SOD2: variants seen among roughly 807,000 people sequenced by gnomAD.
SOD2 encodes the protein superoxide dismutase [Mn], mitochondrial.
SOD2 carries 11 observed loss-of-function variants against 27.0 expected under a neutral mutation model. That is an observed-to-expected ratio of 0.41 (90% CI 0.26 to 0.67). The LOEUF is 0.67. Among genes scored for constraint, SOD2 ranks in the 30% least tolerant of loss-of-function variants. The probability of loss-of-function intolerance (pLI) is 0.34; values close to 1 mark genes in which losing one functional copy is unlikely to be tolerated. For missense variants in SOD2, 250 were observed against 274.5 expected (o/e 0.91, Z 0.63); for synonymous variants, 105 against 103.0 (o/e 1.02, Z -0.12).
intron 1 of SOD2, among the ~76,000 whole-genome samples, chr6:159,742,810 C>A (rs1241904330): frequency 6.6e-6 from 1 of 151,908 alleles, no homozygotes; most frequent in African/African-American, 2.4e-5. Flanking sequence ...AATCCCAGCA[C>A]TTTGGGAGGC....
chr6:159,705,128 C>T (rs543038247), intron 1 of SOD2, among the ~76,000 whole-genome samples: 89 of 152,182 alleles, frequency 5.8e-4, no homozygotes, highest in Non-Finnish European at 1.1e-3. Context: ...TGTACGTCAC[C>T]GTCATCAAAG....
chr6:159,743,041 A>G (rs1272260109), intron 1 of SOD2, among the ~76,000 whole-genome samples: 1 of 151,896 alleles, frequency 6.6e-6, no homozygotes, highest in Non-Finnish European at 1.5e-5. Context: ...AGTTATTACT[A>G]TTTTATTTAT....
chr6:159,702,654 C>CAAAA (rs750073120), intron 1 of SOD2, among the ~76,000 whole-genome samples: 718 of 36,160 alleles, frequency 0.02, no homozygotes, highest in Non-Finnish European at 0.03. Context: ...TCTATCTCTC[C>CAAAA]AAAAAAAAAA....
chr6:159,734,375 CAA>C (rs67668924), intron 1 of SOD2, among the ~76,000 whole-genome samples: 2,455 of 130,742 alleles, frequency 0.019, 60 homozygotes, highest in African/African-American at 0.065. Flanking sequence ...GACTCCATCT[CAA>C]AAAAAAAAAA....
At chr6:159,693,606 G>C (rs970241763), upstream of SOD2, among the ~76,000 whole-genome samples, 2 of 152,202 alleles carry the variant, frequency 1.3e-5, no homozygotes, top group African/African-American at 4.8e-5. Flanking sequence ...CGGGGATCTG[G>C]CTGCACTAGG....
chr6:159,706,073 A>G (rs544328044), intron 1 of SOD2, among the ~76,000 whole-genome samples: 2 of 152,052 alleles, frequency 1.3e-5, no homozygotes, highest in Non-Finnish European at 2.9e-5. Context: ...ATGCTGAGAG[A>G]TTTTGTCACC....
Position 159,680,676 on chromosome 6 carries a change from C to T in SOD2, c.*1817G>A, listed in dbSNP as rs1207672964. The T allele has an allele frequency of 6.6e-6, 1 of 152,064 alleles. No individual in the cohort carries two copies. Among genetic ancestry groups the T allele is most frequent in the Non-Finnish European group, 1.5e-5 (1 of 68,032 alleles). The allele number at this position is 152,064 out of a possible 1,614,324, so 9.4% of individuals were successfully genotyped here. On this transcript the variant is annotated 3_prime_UTR_variant, in exon 5 of 5. Coordinates refer to ENST00000538183, the MANE Select transcript of SOD2 (RefSeq NM_000636.4). ...ATAGGCCAGGTGCAGTGGCTCACAC[C>T]TGTAATCCCAGCACTTTGGGAGGCT...
At chr6:159,733,117 T>C (rs1213284394) in intron 1 of SOD2, among the ~76,000 whole-genome samples, 1 of 152,074 alleles carries the variant, frequency 6.6e-6, no homozygotes, top group Non-Finnish European at 1.5e-5. Context: ...AAAGCAGCTT[T>C]CTGTAATGGC....
At chr6:159,684,018 A>AT (rs1276537092) in intron 4 of SOD2, among the ~76,000 whole-genome samples, 6 of 152,146 alleles carry the variant, frequency 3.9e-5, no homozygotes, top group African/African-American at 1.4e-4. Flanking sequence ...CTTCAGTGAC[A>AT]TTTTTTAAAT....
chr6:159,757,830 T>A (rs998239549), intron 1 of SOD2, among the ~76,000 whole-genome samples: 1 of 152,260 alleles, frequency 6.6e-6, no homozygotes, highest in East Asian at 1.9e-4. Context: ...GCTTTTGTTA[T>A]GTACATCCTT....
chr6:159,758,096 G>A (rs1199469521), intron 1 of SOD2, among the ~76,000 whole-genome samples: 1 of 152,196 alleles, frequency 6.6e-6, no homozygotes, highest in Non-Finnish European at 1.5e-5. Context: ...TGGTATGCCT[G>A]TGATAAGAGA....
chr6:159,698,934 G>C (rs1777478286), intron 1 of SOD2, among the ~76,000 whole-genome samples: 1 of 115,874 alleles, frequency 8.6e-6, no homozygotes, highest in South Asian at 3.4e-4. Context: ...TGCTGTCTGG[G>C]GGGTGGGGGG....
intron 1 of SOD2, among the ~76,000 whole-genome samples, chr6:159,739,576 AG>A (rs1376734364): frequency 6.6e-6 from 1 of 152,244 alleles, no homozygotes; most frequent in East Asian, 1.9e-4. Flanking sequence ...AGATTGTGTA[AG>A]AAATCAGGAA....
At chr6:159,721,034 A>T (rs1438628052) in intron 1 of SOD2, among the ~76,000 whole-genome samples, 5 of 133,418 alleles carry the variant, frequency 3.7e-5, no homozygotes, top group South Asian at 2.5e-4. Flanking sequence ...TTTTTTTTGT[A>T]TTTTTATTTT....
rs764774427 is a variant in SOD2, at chr6:159,743,793, G to GT, written c.-116+1336dup. 8 of 1,598,816 alleles carry GT rather than the reference G, an allele frequency of 5.0e-6. No homozygotes were observed. The Admixed American group carries it at 5.4e-5, about 11-fold the overall frequency. On this transcript the variant is annotated intron_variant, in intron 1 of 3. Coordinates refer to the SOD2 transcript ENST00000537657. ...GGAACAAGAGATGCAAGAGTGTACT[G>GT]TAAGTATTTCAAGTTATATAAATGT...
upstream of SOD2, among the ~76,000 whole-genome samples, chr6:159,693,505 TG>T (rs1423713938): frequency 6.6e-6 from 1 of 152,038 alleles, no homozygotes; most frequent in Non-Finnish European, 1.5e-5. Context: ...CGTACTTGAG[TG>T]GCGCGCGGCC....
At chr6:159,738,140 TATC>T (rs1321170296) in intron 1 of SOD2, among the ~76,000 whole-genome samples, 1 of 152,230 alleles carries the variant, frequency 6.6e-6, no homozygotes, top group Non-Finnish European at 1.5e-5. Context: ...TATGCACTAT[TATC>T]ATGTCTAGCT....
chr6:159,719,617 C>A (rs1279756309), intron 1 of SOD2, among the ~76,000 whole-genome samples: 1 of 146,574 alleles, frequency 6.8e-6, no homozygotes, highest in Non-Finnish European at 1.5e-5. Flanking sequence ...CAGAGCAACA[C>A]CCTTTCTCAA....
intron 1 of SOD2, among the ~76,000 whole-genome samples, chr6:159,710,738 C>A (rs1177039049): frequency 2.0e-5 from 3 of 151,192 alleles, no homozygotes; most frequent in Non-Finnish European, 4.4e-5. Context: ...CTGCTCTGAC[C>A]ACCATAACCA....
Sources: allele counts gnomAD v4.1 joint callset (sites outside exome capture counted in the v4.1 genomes callset), GRCh38; gene constraint gnomAD v4.1.1; transcripts MANE v1.5; gene names NCBI Gene and HGNC (gene_info 2026-07-23, HGNC 2026-07-21).